The following ANK3 variants were observed in gnomAD, a reference collection of about 807,000 sequenced individuals.
The protein encoded by ANK3 is ankyrin-3.
In ANK3, 57 loss-of-function variants were observed where a neutral mutation model predicts 370.9. The ratio of observed to expected loss-of-function variants is 0.15; its 90% CI spans 0.12 to 0.19. ANK3 has a LOEUF of 0.19. Among genes scored for constraint, ANK3 ranks in the 10% least tolerant of loss-of-function variants. The pLI is 1.00. For missense variants in ANK3, 4,439 were observed against 5,302.1 expected, an observed-to-expected ratio of 0.84 and a Z score of 5.06; for synonymous variants, 1,929 against 1,946.3, an observed-to-expected ratio of 0.99 and a Z score of 0.23.
intron 1 of ANK3, among the ~76,000 whole-genome samples, chr10:60,657,156 C>T (rs2078875833): frequency 6.6e-6 from 1 of 152,148 alleles, no homozygotes; most frequent in Admixed American, 6.6e-5. Context: ...CAGGGGAACT[C>T]CTCTTCATAA....
chr10:60,110,337 G>A (rs1463146375), intron 26 of ANK3, among the ~76,000 whole-genome samples: 2 of 152,086 alleles, frequency 1.3e-5, no homozygotes, highest in East Asian at 3.9e-4. Flanking sequence ...CAGCCTATCA[G>A]ATTCCTAGAA....
Position 60,250,607 on chromosome 10 carries a change from T to C in ANK3, c.798+11252A>G, listed in dbSNP as rs189367704. ...GTCTCGATCTCCTGACCTTGTGATC[T>C]GCCCTCCTTGGCCTCCCAAAGTTCT... is the stretch of plus-strand genomic sequence containing the variant. On this transcript the variant is annotated intron_variant, in intron 7 of 43. Transcript: ENST00000280772. 7.5e-3 allele frequency among the ~76,000 whole-genome samples: 1,143 copies of C among 152,248 alleles called. 14 individuals are homozygous for C. The highest frequency in any genetic ancestry group is 0.024 in the African/African-American group (987 of 41,546).
chr10:60,213,446 A>T lies in ANK3; in HGVS notation c.962T>A (p.Leu321His), dbSNP rs1296356768. 1 of 1,612,644 alleles carries T rather than the reference A, an allele frequency of 6.2e-7. No homozygotes were observed. The highest frequency in any genetic ancestry group is 1.3e-5 in the African/African-American group (1 of 74,868). Residue 321 changes from leucine (L) to histidine (H), a missense_variant, in exon 9 of 44, where the codon CTT (leucine) becomes CAT (histidine). Leu to His is a moderately conservative substitution (Grantham distance 99, BLOSUM62 -3). Coordinates refer to ENST00000280772, the MANE Select transcript of ANK3 (RefSeq NM_020987.5). ...TGAAAGAATGGGGGCAGCTCGATCA[A>T]GCAACATTTCTACCACCTGCTCGTG... is the stretch of plus-strand genomic sequence containing the variant. The part of the protein sequence containing the change: ...SGHEQVVEML[L>H]DRAAPILSKT...
At chr10:60,226,193 A>G (rs1289366653) in intron 8 of ANK3, among the ~76,000 whole-genome samples, 2 of 118,258 alleles carry the variant, frequency 1.7e-5, no homozygotes, top group Non-Finnish European at 3.3e-5. Flanking sequence ...ATGTATATAT[A>G]CTATATTATA....
At position 60,702,761 on chromosome 10, in the gene ANK3, T is replaced by A. The variant is rs768824813; in HGVS notation, c.57+30502A>T. Among the ~76,000 whole-genome samples, 38 of 152,182 alleles carry A rather than the reference T, an allele frequency of 2.5e-4. 1 individual carries two copies. The highest frequency in any genetic ancestry group is 5.9e-5 in the Non-Finnish European group (4 of 68,038). On this transcript the variant is annotated intron_variant, in intron 1 of 43. Transcript: ENST00000373827. Reference sequence around the variant, plus strand: ...AATCAGAATATCATCATTTTGTAGTTCCAAAACTTTTGTGGATCTGTGAAT... The same window carrying A: ...AATCAGAATATCATCATTTTGTAGTACCAAAACTTTTGTGGATCTGTGAAT...
rs1168207932 is a variant in ANK3, at chr10:60,389,469, T to C, written c.70A>G (p.Lys24Glu). 1 of 1,614,128 alleles carries C rather than the reference T, an allele frequency of 6.2e-7. No homozygotes were observed. Among genetic ancestry groups the C allele is most frequent in the Admixed American group, 1.7e-5 (1 of 60,016 alleles). The change falls in exon 1 of 44, where the codon AAA becomes GAA. Residue 24 changes from lysine (K) to glutamate (E), a missense_variant. By Grantham distance (56) the Lys-to-Glu change is moderately conservative. Around this residue, in one of 13 missense-constraint regions of ANK3, gnomAD observed 54 missense variants for 52.7 expected, o/e 1.02. Coordinates refer to ENST00000280772, the MANE Select transcript of ANK3 (RefSeq NM_020987.5). ...GACCGTTTGCGGTGTTTCCTTTTTT[T>C]CTCAGGCTCTTCTTCAGCATTGATT... ...LEINAEEEPE[K>E]KRKHRKRSRD...
intron 1 of ANK3, among the ~76,000 whole-genome samples, chr10:60,319,267 G>A (rs1256900716): frequency 6.6e-6 from 1 of 152,210 alleles, no homozygotes; most frequent in Non-Finnish European, 1.5e-5. Flanking sequence ...TACCTGAGAT[G>A]TAAGGTACTC....
intron 23 of ANK3, among the ~76,000 whole-genome samples, chr10:60,144,657 A>C (rs1232599213): frequency 6.6e-6 from 1 of 152,168 alleles, no homozygotes; most frequent in Non-Finnish European, 1.5e-5. Flanking sequence ...ATAATCAACC[A>C]TTCAAAGATC....
chr10:60,313,985 A>G (rs934799693), intron 1 of ANK3, among the ~76,000 whole-genome samples: 8 of 143,338 alleles, frequency 5.6e-5, no homozygotes, highest in Non-Finnish European at 1.1e-4. Flanking sequence ...ATGTAGCTCT[A>G]GTAGTTTATT....
intron 2 of ANK3, among the ~76,000 whole-genome samples, chr10:60,516,198 T>C (rs997055109): frequency 5.9e-5 from 9 of 152,056 alleles, no homozygotes; most frequent in African/African-American, 2.2e-4. Flanking sequence ...CTCAATTCCA[T>C]AACAATGAAG....
intron 1 of ANK3, among the ~76,000 whole-genome samples, chr10:60,691,593 C>T (rs59061375): frequency 0.052 from 7,903 of 152,214 alleles, 289 homozygotes; most frequent in African/African-American, 0.085. Context: ...CAGAGGGGAG[C>T]CCCTGCTGCT....
chr10:60,279,624 T>G lies in ANK3; in HGVS notation c.130A>C (p.Ser44Arg). ...CCAGCTCGAGCTGCTCTTAAGTAAC[T>G]TGCATTGGCATCAGACTAAAATAAA... ...DRKKKSDANA[S>R]YLRAARAGHL... is the part of the protein sequence containing the mutation. The change falls in exon 2 of 44, where the codon AGT becomes CGT. Residue 44 changes from serine (S) to arginine (R), a missense_variant. Ser to Arg is a moderately radical substitution (Grantham distance 110). Coordinates refer to ENST00000280772, the MANE Select transcript of ANK3 (RefSeq NM_020987.5). 1 of 1,610,920 alleles carries G rather than the reference T, an allele frequency of 6.2e-7. No homozygotes were observed. The highest frequency in any genetic ancestry group is 8.5e-7 in the Non-Finnish European group (1 of 1,179,196).
Position 60,208,206 on chromosome 10 carries a change from T to C in ANK3, c.1024A>G (p.Thr342Ala), listed in dbSNP as rs760093400. 6.2e-7 allele frequency: 1 copy of C among 1,614,162 alleles called. No individual in the cohort carries two copies. Residue 342 changes from threonine to alanine, a missense_variant, in exon 10 of 44, where the codon ACA becomes GCA. Around this residue, in one of 13 missense-constraint regions of ANK3, gnomAD observed 227 missense variants for 377.6 expected, o/e 0.60. Coordinates refer to ENST00000280772, the MANE Select transcript of ANK3 (RefSeq NM_020987.5). ...KNGLSPLHMA[T>A]QGDHLNCVQL... ...ACGCAGTTTAAATGATCCCCTTGTG[T>C]GGCCATGTGCAATGGAGATAATCCA...
chr10:60,431,944 G>T (rs953628140), intron 2 of ANK3, among the ~76,000 whole-genome samples: 3 of 152,072 alleles, frequency 2.0e-5, no homozygotes, highest in African/African-American at 7.2e-5. Flanking sequence ...ATGCCACCTG[G>T]ATCACAAACT....
chr10:60,708,830 A>G (rs1006651621), intron 1 of ANK3, among the ~76,000 whole-genome samples: 1 of 152,296 alleles, frequency 6.6e-6, no homozygotes, highest in Admixed American at 6.5e-5. Context: ...GTGTAATAAC[A>G]GGAAATTACA....
chr10:60,171,279 A>G, intron 21 of ANK3, among the ~76,000 whole-genome samples: 1 of 152,232 alleles, frequency 6.6e-6, no homozygotes, highest in Non-Finnish European at 1.5e-5. Context: ...AAATTACAAA[A>G]TTTTTCTCCC....
chr10:60,408,903 C>A (rs77930721), intron 2 of ANK3, among the ~76,000 whole-genome samples: 17,308 of 152,110 alleles, frequency 0.11, 1,049 homozygotes, highest in South Asian at 0.13. Flanking sequence ...GTTCTGAGAT[C>A]AGTTAATAAC....
intron 2 of ANK3, among the ~76,000 whole-genome samples, chr10:60,452,652 T>C (rs2064639846): frequency 6.6e-6 from 1 of 152,226 alleles, no homozygotes; most frequent in Non-Finnish European, 1.5e-5. Flanking sequence ...ATAAAGATAC[T>C]CAGAAATTCA....
chr10:60,229,993 G>A (rs180702003), intron 8 of ANK3, among the ~76,000 whole-genome samples: 191 of 152,284 alleles, frequency 1.3e-3, no homozygotes, highest in African/African-American at 4.1e-3. Flanking sequence ...CACAGTTAGA[G>A]TAACATTCTG....
Sources: allele counts gnomAD v4.1 joint callset (sites outside exome capture counted in the v4.1 genomes callset), GRCh38; gene constraint gnomAD v4.1.1; regional missense constraint gnomAD v4.1.1; transcripts MANE v1.5; gene names NCBI Gene and HGNC (gene_info 2026-07-23, HGNC 2026-07-21).